The following ADGRL3 variants were observed in gnomAD, a reference collection of about 807,000 sequenced individuals.
ADGRL3 encodes the protein adhesion G protein-coupled receptor L3, also known as calcium-independent alpha-latrotoxin receptor 3.
ADGRL3 carries 62 observed loss-of-function variants against 153.5 expected under a neutral mutation model. The ratio of observed to expected loss-of-function variants is 0.40; its 90% CI spans 0.33 to 0.50. ADGRL3 has a LOEUF of 0.50. ADGRL3 is among the 20% of genes least tolerant of loss of function. The pLI, the probability that ADGRL3 is intolerant of heterozygous loss-of-function variation, is 0.47. For missense variants in ADGRL3, 1,641 were observed against 1,859.4 expected, an observed-to-expected ratio of 0.88 and a Z score of 2.16; for synonymous variants, 710 against 672.5, an observed-to-expected ratio of 1.06 and a Z score of -0.86.
At chr4:62,010,011 G>C (rs2151232440) in intron 21 of ADGRL3, among the ~76,000 whole-genome samples, 1 of 152,214 alleles carries the variant, frequency 6.6e-6, no homozygotes, top group East Asian at 1.9e-4. Flanking sequence ...AAGGTATGGA[G>C]GAGAAGGCAT....
intron 13 of ADGRL3, among the ~76,000 whole-genome samples, chr4:61,918,886 G>C (rs1324741219): frequency 6.6e-6 from 1 of 152,150 alleles, no homozygotes. Context: ...CTTTGACAAA[G>C]TGCAAATTGA....
At chr4:61,438,571 A>G (rs1195695970) in intron 2 of ADGRL3, among the ~76,000 whole-genome samples, 3 of 152,012 alleles carry the variant, frequency 2.0e-5, no homozygotes, top group East Asian at 3.9e-4. Context: ...AAGAGGCCCC[A>G]TAGAAGATGT....
intron 6 of ADGRL3, among the ~76,000 whole-genome samples, chr4:61,688,715 T>G (rs536115829): frequency 8.5e-5 from 13 of 152,218 alleles, no homozygotes; most frequent in African/African-American, 3.1e-4. Flanking sequence ...ATCTTAGAGT[T>G]ATAGTATTCT....
intron 15 of ADGRL3, among the ~76,000 whole-genome samples, chr4:61,939,266 A>G (rs1056733916): frequency 2.0e-5 from 3 of 152,174 alleles, no homozygotes; most frequent in Non-Finnish European, 4.4e-5. Context: ...ATACACTAAA[A>G]TATACATTTA....
intron 9 of ADGRL3, among the ~76,000 whole-genome samples, chr4:61,867,509 TATATGC>T (rs1327918705): frequency 2.9e-5 from 2 of 69,636 alleles, no homozygotes; most frequent in African/African-American, 9.4e-5. Flanking sequence ...CAAAAAAATA[TATATGC>T]ATATATATAT....
intron 5 of ADGRL3, among the ~76,000 whole-genome samples, chr4:61,644,281 C>G (rs1296935739): frequency 1.6e-5 from 2 of 123,354 alleles, no homozygotes; most frequent in African/African-American, 2.7e-5. Flanking sequence ...TTTTGTGTCT[C>G]TATTTCCTTC....
At chr4:61,660,098 A>G (rs561035950) in intron 5 of ADGRL3, among the ~76,000 whole-genome samples, 2 of 152,286 alleles carry the variant, frequency 1.3e-5, no homozygotes, top group East Asian at 3.9e-4. Flanking sequence ...GCTGGAATCT[A>G]AAAGTTTAGG....
intron 6 of ADGRL3, among the ~76,000 whole-genome samples, chr4:61,680,781 CTTCT>C (rs1423257430): frequency 1.3e-5 from 2 of 151,924 alleles, no homozygotes; most frequent in Non-Finnish European, 2.9e-5. Flanking sequence ...CTCAGACCAC[CTTCT>C]TTGAGTGTTT....
At chr4:61,871,044 C>T (rs924191157) in intron 9 of ADGRL3, among the ~76,000 whole-genome samples, 2 of 152,066 alleles carry the variant, frequency 1.3e-5, no homozygotes, top group East Asian at 3.9e-4. Context: ...TTTGGGAGGC[C>T]AAGGCGGGCG....
intron 21 of ADGRL3, among the ~76,000 whole-genome samples, chr4:61,998,562 G>T (rs1320741405): frequency 2.0e-5 from 3 of 151,066 alleles, no homozygotes; most frequent in Admixed American, 1.3e-4. Flanking sequence ...TTTAGGGCAG[G>T]TTATTCTTTT....
At chr4:61,835,798 A>G (rs969984336) in intron 9 of ADGRL3, among the ~76,000 whole-genome samples, 2 of 152,172 alleles carry the variant, frequency 1.3e-5, no homozygotes, top group Non-Finnish European at 2.9e-5. Context: ...AGAAGCCAAG[A>G]ATTGAACCTG....
chr4:62,002,229 C>T (rs554911471), intron 21 of ADGRL3, among the ~76,000 whole-genome samples: 2 of 148,486 alleles, frequency 1.3e-5, no homozygotes, highest in South Asian at 4.4e-4. Context: ...GGTCGGACTT[C>T]CTGCCAAGGC....
chr4:61,810,751 C>T (rs1440194424), intron 8 of ADGRL3, among the ~76,000 whole-genome samples: 1 of 152,036 alleles, frequency 6.6e-6, no homozygotes, highest in African/African-American at 2.4e-5. Flanking sequence ...GTGGAGAGTC[C>T]ACGTTTTCAT....
intron 4 of ADGRL3, among the ~76,000 whole-genome samples, chr4:61,532,016 T>C (rs2098620526): frequency 6.6e-6 from 1 of 152,232 alleles, no homozygotes; most frequent in East Asian, 1.9e-4. Context: ...AGATTACTTA[T>C]TTGATATCAT....
intron 9 of ADGRL3, among the ~76,000 whole-genome samples, chr4:61,852,423 T>C (rs1251114769): frequency 6.6e-6 from 1 of 152,108 alleles, no homozygotes; most frequent in Non-Finnish European, 1.5e-5. Context: ...CAAGCCATTC[T>C]CGTGCCTCAG....
chr4:62,027,965 T>C (rs1350610287), intron 21 of ADGRL3, among the ~76,000 whole-genome samples: 4 of 151,872 alleles, frequency 2.6e-5, no homozygotes, highest in Non-Finnish European at 4.4e-5. Flanking sequence ...TTCATCATTC[T>C]GGAGAGTGAG....
chr4:61,813,735 T>C (rs1580957004), intron 8 of ADGRL3, 74 bp from the exon 9 acceptor site: 1 of 1,552,464 alleles, frequency 6.4e-7, no homozygotes, highest in Non-Finnish European at 8.8e-7. Context: ...AATAGTGTTA[T>C]ATCATAAAAA....
intron 9 of ADGRL3, among the ~76,000 whole-genome samples, chr4:61,830,971 C>T (rs1483320837): frequency 6.6e-6 from 1 of 152,142 alleles, no homozygotes; most frequent in African/African-American, 2.4e-5. Flanking sequence ...TCACTGCAAC[C>T]TCTGCCTCCT....
At chr4:61,364,498 T>A (rs902221931) in intron 1 of ADGRL3, among the ~76,000 whole-genome samples, 21 of 151,642 alleles carry the variant, frequency 1.4e-4, no homozygotes, top group African/African-American at 4.8e-4. Flanking sequence ...CATTTTTTTT[T>A]AAAACAAAAC....
Sources: allele counts gnomAD v4.1 joint callset (sites outside exome capture counted in the v4.1 genomes callset), GRCh38; gene constraint gnomAD v4.1.1; transcripts MANE v1.5; gene names NCBI Gene and HGNC (gene_info 2026-07-23, HGNC 2026-07-21).